The following ANO3 variants were observed in gnomAD, a reference collection of about 807,000 sequenced individuals.
ANO3 encodes anoctamin 3, also known as anoctamin-3.
A neutral mutation model predicts 144.8 loss-of-function variants in ANO3; 99 were observed. That is an observed-to-expected ratio of 0.68 (90% confidence interval 0.58 to 0.81). The LOEUF (loss-of-function observed/expected upper bound fraction) is 0.81, where lower values mean the gene tolerates loss of function less well. ANO3 is among the 30% of genes least tolerant of loss of function. The pLI is 0.00. For missense variants in ANO3, 905 were observed against 1,202.2 expected (o/e 0.75, Z 3.66); for synonymous variants, 414 against 392.6 (o/e 1.05, Z -0.64).
At chr11:26,457,080 T>G (rs1424991959) in intron 3 of ANO3, among the ~76,000 whole-genome samples, 3 of 63,660 alleles carry the variant, frequency 4.7e-5, no homozygotes, top group Admixed American at 2.3e-4. Context: ...TGTTGTGGGG[T>G]GGGGGGAGGG....
intron 1 of ANO3, among the ~76,000 whole-genome samples, chr11:26,317,763 T>A (rs1041677594): frequency 6.6e-6 from 1 of 152,202 alleles, no homozygotes; most frequent in South Asian, 2.1e-4. Context: ...ACTGGGTATA[T>A]ACCCAAAGGA....
chr11:26,582,330 A>G (rs924697439), intron 14 of ANO3, among the ~76,000 whole-genome samples: 1 of 152,250 alleles, frequency 6.6e-6, no homozygotes, highest in African/African-American at 2.4e-5. Flanking sequence ...ATCCAGTTCC[A>G]GATAAATACA....
intron 1 of ANO3, among the ~76,000 whole-genome samples, chr11:26,190,846 C>T (rs935885858): frequency 2.0e-5 from 3 of 152,188 alleles, no homozygotes; most frequent in Admixed American, 6.5e-5. Context: ...CTCAACACAT[C>T]CCAGTTGAAA....
chr11:26,524,122 G>A (rs1226446251), intron 6 of ANO3, among the ~76,000 whole-genome samples: 1 of 152,236 alleles, frequency 6.6e-6, no homozygotes, highest in Non-Finnish European at 1.5e-5. Flanking sequence ...TCAGTGAAGA[G>A]GTATGTTACA....
intron 1 of ANO3, among the ~76,000 whole-genome samples, chr11:26,430,153 C>G (rs7107960): frequency 0.28 from 41,829 of 151,348 alleles, 6,476 homozygotes; most frequent in African/African-American, 0.43. Context: ...CCCAGCTACT[C>G]GAGAGGGTGA....
At chr11:26,250,327 A>G (rs900365366) in intron 1 of ANO3, among the ~76,000 whole-genome samples, 2 of 152,196 alleles carry the variant, frequency 1.3e-5, no homozygotes, top group Admixed American at 6.5e-5. Context: ...CATTAATGAT[A>G]AAGAGTATAA....
chr11:26,314,232 T>G (rs566343306), intron 1 of ANO3, among the ~76,000 whole-genome samples: 2 of 152,330 alleles, frequency 1.3e-5, no homozygotes, highest in African/African-American at 4.8e-5. Context: ...GGCAATCATC[T>G]TCCTGGACTT....
At chr11:26,343,078 A>G (rs1855406847) in intron 1 of ANO3, among the ~76,000 whole-genome samples, 1 of 152,150 alleles carries the variant, frequency 6.6e-6, no homozygotes, top group African/African-American at 2.4e-5. Flanking sequence ...AGATTTTCAT[A>G]ACTTACTCAT....
chr11:26,595,465 T>TG (rs1851588509), intron 14 of ANO3, among the ~76,000 whole-genome samples: 1 of 143,590 alleles, frequency 7.0e-6, no homozygotes, highest in South Asian at 2.3e-4. Flanking sequence ...GAGTTGTTTT[T>TG]TTTTTTTTTT....
At chr11:26,637,289 A>G (rs1274003683) in intron 20 of ANO3, among the ~76,000 whole-genome samples, 1 of 152,178 alleles carries the variant, frequency 6.6e-6, no homozygotes, top group Non-Finnish European at 1.5e-5. Flanking sequence ...AACCAATCAC[A>G]TGATCCTATG....
intron 1 of ANO3, among the ~76,000 whole-genome samples, chr11:26,303,509 A>C (rs910934574): frequency 6.6e-6 from 1 of 152,150 alleles, no homozygotes; most frequent in Non-Finnish European, 1.5e-5. Flanking sequence ...ACATATGGAC[A>C]CAAAGATGGA....
intron 1 of ANO3, among the ~76,000 whole-genome samples, chr11:26,196,884 C>T (rs1034377295): frequency 3.9e-5 from 6 of 152,180 alleles, no homozygotes; most frequent in Admixed American, 3.9e-4. Context: ...GTAGGACCTA[C>T]CAAAATGCAA....
At chr11:26,243,900 A>G (rs1196706826) in intron 1 of ANO3, among the ~76,000 whole-genome samples, 2 of 152,068 alleles carry the variant, frequency 1.3e-5, no homozygotes, top group African/African-American at 4.8e-5. Context: ...TGCGCAGATC[A>G]AGAGGTCAGG....
intron 1 of ANO3, among the ~76,000 whole-genome samples, chr11:26,323,593 G>C (rs927423909): frequency 1.3e-5 from 2 of 152,126 alleles, no homozygotes; most frequent in African/African-American, 4.8e-5. Context: ...TGGGCTTCCT[G>C]TGCTCTCCTA....
At chr11:26,450,501 G>T (rs893766148) in intron 3 of ANO3, among the ~76,000 whole-genome samples, 1 of 152,192 alleles carries the variant, frequency 6.6e-6, no homozygotes, top group Non-Finnish European at 1.5e-5. Flanking sequence ...AGCAAGCCAT[G>T]TATGGACCAT....
chr11:26,629,529 A>T (rs935231673), intron 18 of ANO3, among the ~76,000 whole-genome samples: 1 of 152,196 alleles, frequency 6.6e-6, no homozygotes, highest in Non-Finnish European at 1.5e-5. Flanking sequence ...CCATAAAAGA[A>T]ATATGTATGG....
At chr11:26,300,658 T>A (rs1183441418) in intron 1 of ANO3, among the ~76,000 whole-genome samples, 1 of 152,116 alleles carries the variant, frequency 6.6e-6, no homozygotes, top group Non-Finnish European at 1.5e-5. Context: ...TATAGATATG[T>A]GTCTGTGGAA....
intron 1 of ANO3, among the ~76,000 whole-genome samples, chr11:26,256,998 T>C (rs533672132): frequency 6.8e-4 from 103 of 152,172 alleles, no homozygotes; most frequent in Middle Eastern, 3.4e-3. Context: ...AAAAAAATTA[T>C]CCATCCCAAA....
intron 5 of ANO3, among the ~76,000 whole-genome samples, chr11:26,510,052 T>C (rs1383224461): frequency 6.8e-6 from 1 of 146,502 alleles, no homozygotes; most frequent in African/African-American, 2.5e-5. Flanking sequence ...GAGAATCACT[T>C]GAACCCGGGA....
Sources: gnomAD v4.1 joint callset for allele counts (sites outside exome capture counted in the v4.1 genomes callset) on GRCh38, gnomAD v4.1.1 for gene constraint, MANE v1.5 for transcripts, NCBI Gene and HGNC (gene_info 2026-07-23, HGNC 2026-07-21) for gene names.